The following ABCA13 variants were observed in gnomAD, a reference collection of about 807,000 sequenced individuals.
ABCA13 encodes the protein ATP binding cassette subfamily A member 13, also known as ATP-binding cassette sub-family A member 13.
In ABCA13, 476 loss-of-function variants were observed where a neutral mutation model predicts 478.7. That is an observed-to-expected ratio of 0.99 (90% CI 0.92 to 1.07). The LOEUF (loss-of-function observed/expected upper bound fraction) is 1.07. Among genes scored for constraint, ABCA13 ranks in the 50% least tolerant of loss-of-function variants. The probability of loss-of-function intolerance (pLI) is 0.00; values close to 1 mark genes in which losing one functional copy is unlikely to be tolerated. For synonymous variants in ABCA13, 2,252 were observed against 2,158.9 expected, an observed-to-expected ratio of 1.04 and a Z score of -1.20; for missense variants, 6,060 against 5,910.6, an observed-to-expected ratio of 1.03 and a Z score of -0.83.
intron 42 of ABCA13, among the ~76,000 whole-genome samples, chr7:48,443,976 G>T (rs1262719388): frequency 6.6e-6 from 1 of 151,818 alleles, no homozygotes; most frequent in Non-Finnish European, 1.5e-5. Context: ...CCTGTTACAG[G>T]AGGAAACACC....
chr7:48,565,214 C>CTT (rs10559411), intron 55 of ABCA13, among the ~76,000 whole-genome samples: 87 of 113,770 alleles, frequency 7.6e-4, no homozygotes, highest in African/African-American at 2.3e-3. Flanking sequence ...ATTTAATGAG[C>CTT]TTTTTTTTTT....
Position 48,524,203 on chromosome 7 carries a change from G to C in ABCA13, c.14052-45G>C, listed in dbSNP as rs921703812. The C allele has an allele frequency of 5.8e-6, 9 of 1,556,790 alleles. No individual in the cohort carries two copies. The South Asian group carries it at 1.1e-4, about 18-fold the overall frequency. On this transcript the variant is annotated intron_variant, in intron 53 of 61. Coordinates refer to ENST00000435803, the MANE Select transcript of ABCA13 (RefSeq NM_152701.5). ...TTTTTGCCTCTTCTAGACTATTCTG[G>C]TATCATTTGCTAGGTGTGAATTCAC...
intron 15 of ABCA13, among the ~76,000 whole-genome samples, chr7:48,263,484 T>A (rs1526096): frequency 6.6e-6 from 1 of 151,592 alleles, no homozygotes; most frequent in Non-Finnish European, 1.5e-5. Flanking sequence ...AACATTGCAT[T>A]TGACACAGAT....
chr7:48,640,087 A>G (rs1794996727), intron 59 of ABCA13, among the ~76,000 whole-genome samples: 1 of 152,240 alleles, frequency 6.6e-6, no homozygotes, highest in Admixed American at 6.5e-5. Flanking sequence ...TTAATGTAAT[A>G]CTGAGTCTAT....
At chr7:48,267,145 ATTATGT>A (rs1794975799) in intron 15 of ABCA13, among the ~76,000 whole-genome samples, 1 of 152,020 alleles carries the variant, frequency 6.6e-6, no homozygotes, top group Non-Finnish European at 1.5e-5. Context: ...AAGAATATGT[ATTATGT>A]TGTTGTTGGG....
intron 42 of ABCA13, among the ~76,000 whole-genome samples, chr7:48,452,599 C>G (rs1825177588): frequency 6.6e-6 from 1 of 152,198 alleles, no homozygotes; most frequent in South Asian, 2.1e-4. Flanking sequence ...AGCCATTTCC[C>G]TGCTGTACAC....
chr7:48,474,197 A>T (rs542710455), intron 45 of ABCA13, among the ~76,000 whole-genome samples: 1 of 152,320 alleles, frequency 6.6e-6, no homozygotes, highest in South Asian at 2.1e-4. Context: ...ATACCATACA[A>T]ATGTGTGAAT....
chr7:48,238,200 T>C (rs781734945), intron 8 of ABCA13, among the ~76,000 whole-genome samples: 3 of 152,210 alleles, frequency 2.0e-5, no homozygotes, highest in African/African-American at 4.8e-5. Flanking sequence ...TTTATCAGGG[T>C]GCTAATCCCA....
chr7:48,376,812 C>A (rs939089986), intron 35 of ABCA13, among the ~76,000 whole-genome samples: 1 of 152,112 alleles, frequency 6.6e-6, no homozygotes, highest in Non-Finnish European at 1.5e-5. Context: ...TGAAAACTCA[C>A]CAGGCCCACC....
At chr7:48,471,482 G>T in intron 44 of ABCA13, 48 bp from the exon 45 acceptor site, 1 of 1,475,694 alleles carries the variant, frequency 6.8e-7, no homozygotes, top group Non-Finnish European at 9.3e-7. Context: ...AAATACAATG[G>T]CTTTGTAAAT....
In ABCA13 at chr7:48,455,156, G is replaced by A. The variant is rs1397988590; in HGVS notation, c.12685G>A (p.Asp4229Asn). Residue 4229 changes from aspartate to asparagine, a missense_variant, in exon 43 of 62, where the codon GAC (aspartate) becomes AAC (asparagine). Coordinates refer to ENST00000435803, the MANE Select transcript of ABCA13 (RefSeq NM_152701.5). ...GCGCGCCGGGAAGAGCACCCTCGCC[G>A]ACCTGCTGCTGCCAGTCCTCTTCGT... ...TLRAGKSTLADLLLPVLFVAL... is the reference protein window; with the variant it reads ...TLRAGKSTLANLLLPVLFVAL... 1 of 1,581,596 alleles carries A rather than the reference G, an allele frequency of 6.3e-7. No individual in the cohort carries two copies. Among genetic ancestry groups the A allele is most frequent in the Admixed American group, 1.8e-5 (1 of 55,628 alleles).
chr7:48,306,495 T>A (rs940606613), intron 23 of ABCA13, among the ~76,000 whole-genome samples: 1 of 152,124 alleles, frequency 6.6e-6, no homozygotes, highest in African/African-American at 2.4e-5. Context: ...GCCTATTTTG[T>A]GGGACTGATC....
At chr7:48,456,953 C>G (rs1825741418) in intron 43 of ABCA13, among the ~76,000 whole-genome samples, 1 of 151,932 alleles carries the variant, frequency 6.6e-6, no homozygotes, top group Non-Finnish European at 1.5e-5. Flanking sequence ...TAGATAGTGC[C>G]AAATTACCCT....
intron 1 of ABCA13, among the ~76,000 whole-genome samples, chr7:48,184,443 TTG>T (rs1796095745): frequency 6.6e-6 from 1 of 152,182 alleles, no homozygotes; most frequent in Non-Finnish European, 1.5e-5. Flanking sequence ...GTTTCTTTTG[TTG>T]TTTATGACTT....
At chr7:48,475,855 T>A (rs1359999386) in intron 45 of ABCA13, among the ~76,000 whole-genome samples, 1 of 152,036 alleles carries the variant, frequency 6.6e-6, no homozygotes, top group African/African-American at 2.4e-5. Context: ...AAAACATGAT[T>A]TGGAAGCGAC....
chr7:48,643,508 G>A, intron 60 of ABCA13, 115 bp downstream of exon 60: 1 of 894,486 alleles, frequency 1.1e-6, no homozygotes, highest in East Asian at 2.5e-5. Flanking sequence ...TGTTACCTTA[G>A]CCACATTGCA....
intron 3 of ABCA13, among the ~76,000 whole-genome samples, chr7:48,203,978 A>T (rs921498000): frequency 6.6e-6 from 1 of 150,896 alleles, no homozygotes; most frequent in East Asian, 1.9e-4. Flanking sequence ...ACATGCCCAG[A>T]CCCCCTGAGA....
At chr7:48,489,903 A>G (rs1829692247) in intron 48 of ABCA13, among the ~76,000 whole-genome samples, 1 of 152,176 alleles carries the variant, frequency 6.6e-6, no homozygotes, top group Non-Finnish European at 1.5e-5. Flanking sequence ...CTTAGGTGGG[A>G]TAAATTATAA....
intron 40 of ABCA13, 111 bp downstream of exon 40, chr7:48,410,788 A>T (rs1818909576): frequency 7.1e-7 from 1 of 1,401,996 alleles, no homozygotes; most frequent in African/African-American, 1.4e-5. Context: ...CCTTCTGTGC[A>T]CAATGGCCCA....
Sources: gnomAD v4.1 joint callset for allele counts (sites outside exome capture counted in the v4.1 genomes callset) on GRCh38, gnomAD v4.1.1 for gene constraint, MANE v1.5 for transcripts, NCBI Gene and HGNC (gene_info 2026-07-23, HGNC 2026-07-21) for gene names.